Variants in PDE11A observed in about 807,000 individuals in gnomAD.
The protein encoded by PDE11A is phosphodiesterase 11A, also known as dual 3',5'-cyclic-AMP and -GMP phosphodiesterase 11A.
In PDE11A, 100 loss-of-function variants were observed where a neutral mutation model predicts 100.5. The observed-to-expected ratio is 1.00, with a 90% CI of 0.85 to 1.18. PDE11A has a LOEUF of 1.18. PDE11A is among the 50% of genes most tolerant of loss of function. The pLI is 0.00. For missense variants in PDE11A, 1,141 were observed against 1,152.6 expected (o/e 0.99, Z 0.15); for synonymous variants, 381 against 420.8 (o/e 0.91, Z 1.16).
At chr2:177,980,606 T>G (rs975749840) in intron 2 of PDE11A, among the ~76,000 whole-genome samples, 1 of 150,896 alleles carries the variant, frequency 6.6e-6, no homozygotes, top group Non-Finnish European at 1.5e-5. Flanking sequence ...TAGTTTTTTA[T>G]GAAGACATTG....
intron 10 of PDE11A, among the ~76,000 whole-genome samples, chr2:177,735,894 C>T (rs558112741): frequency 6.6e-6 from 1 of 152,334 alleles, no homozygotes; most frequent in Non-Finnish European, 1.5e-5. Flanking sequence ...ATGGCCAAAC[C>T]TCCCAGAACT....
intron 2 of PDE11A, among the ~76,000 whole-genome samples, chr2:177,983,830 T>G (rs575917231): frequency 2.0e-5 from 3 of 152,332 alleles, no homozygotes; most frequent in Admixed American, 6.5e-5. Context: ...TCAGCAAGTC[T>G]GTGTAATCTG....
chr2:177,946,997 G>A (rs1444565379), intron 2 of PDE11A, among the ~76,000 whole-genome samples: 7 of 121,600 alleles, frequency 5.8e-5, no homozygotes, highest in East Asian at 5.1e-4. Flanking sequence ...CAGCCGCCCC[G>A]TCCGGGAAGG....
rs536255024 is a variant in PDE11A at position 177,752,739 on chromosome 2, G to T, written c.1788+16584C>A. Among the ~76,000 whole-genome samples, 300 of 152,268 alleles carry T rather than the reference G, an allele frequency of 2.0e-3. 1 individual carries two copies. Among genetic ancestry groups the T allele is most frequent in the Middle Eastern group, 0.01 (3 of 294 alleles). ...GTCAGGCATTTTGTTAGTCACCGGA[G>T]ATAATAGCAATTTTCAAGTAGCTTA... On this transcript the variant is annotated intron_variant, in intron 10 of 19. Coordinates refer to ENST00000286063, the MANE Select transcript of PDE11A (RefSeq NM_016953.4).
intron 1 of PDE11A, among the ~76,000 whole-genome samples, chr2:178,061,699 T>C (rs1226705211): frequency 1.3e-5 from 2 of 152,252 alleles, no homozygotes; most frequent in African/African-American, 4.8e-5. Context: ...TATCTTTCTA[T>C]ATAATTTTCT....
chr2:178,068,593 G>A (rs572611739), intron 1 of PDE11A, among the ~76,000 whole-genome samples: 1 of 152,070 alleles, frequency 6.6e-6, no homozygotes, highest in Admixed American at 6.5e-5. Context: ...TAAAAATATA[G>A]TAGTTAACAA....
chr2:177,833,547 G>A (rs1380124122), intron 6 of PDE11A, among the ~76,000 whole-genome samples: 1 of 152,198 alleles, frequency 6.6e-6, no homozygotes, highest in African/African-American at 2.4e-5. Context: ...TCTGCCTTAA[G>A]AAAGCTGTGT....
intron 5 of PDE11A, among the ~76,000 whole-genome samples, chr2:177,872,827 A>G (rs982144053): frequency 2.6e-5 from 4 of 152,130 alleles, no homozygotes; most frequent in African/African-American, 9.7e-5. Context: ...TAAATTCTGG[A>G]GTCACTTGTC....
intron 19 of PDE11A, among the ~76,000 whole-genome samples, chr2:177,631,057 G>A (rs867347811): frequency 6.6e-6 from 1 of 151,952 alleles, no homozygotes; most frequent in African/African-American, 2.4e-5. Flanking sequence ...AGTAGGAAAT[G>A]GAGATAATTT....
rs188528595 is a variant in PDE11A at position 177,789,519 on chromosome 2, G to A, written c.1738-20146C>T. On this transcript the variant is annotated intron_variant, in intron 9 of 19. Transcript: ENST00000286063. ...TCTGTCACCACTCCTATTCAACATA[G>A]TGTTGGAAGTTCTGGCCAGGACAAT... 6.4e-3 allele frequency among the ~76,000 whole-genome samples: 968 copies of A among 151,682 alleles called. 14 individuals are homozygous for A. The highest frequency in any genetic ancestry group is 0.022 in the African/African-American group (910 of 41,332).
chr2:177,917,022 C>G (rs2084964972), intron 2 of PDE11A, among the ~76,000 whole-genome samples: 1 of 150,416 alleles, frequency 6.6e-6, no homozygotes, highest in Non-Finnish European at 1.5e-5. Flanking sequence ...GTGATCCACC[C>G]GCCTCAGCCT....
chr2:177,796,339 T>G (rs868563865), intron 9 of PDE11A, among the ~76,000 whole-genome samples: 22 of 152,068 alleles, frequency 1.4e-4, no homozygotes, highest in Non-Finnish European at 2.6e-4. Flanking sequence ...TCAGCCAAAC[T>G]AAATTCCAGG....
chr2:177,670,499 C>T lies in PDE11A; in HGVS notation c.2488-932G>A, dbSNP rs559404711. 1.5e-4 allele frequency among the ~76,000 whole-genome samples: 23 copies of T among 151,974 alleles called. No individual in the cohort carries two copies. In the South Asian group the frequency reaches 4.8e-3, roughly 32 times the overall value. On this transcript the variant is annotated intron_variant, in intron 17 of 19. Transcript: ENST00000286063. ...ACGCTACTACAGTGTGCATCTAGGACATTTCTGAGATGAACTAGCTGGATT... is the reference window on the plus strand; with the variant it reads ...ACGCTACTACAGTGTGCATCTAGGATATTTCTGAGATGAACTAGCTGGATT...
chr2:177,689,194 T>G (rs2081003924), intron 15 of PDE11A, among the ~76,000 whole-genome samples: 1 of 152,216 alleles, frequency 6.6e-6, no homozygotes. Flanking sequence ...GAGATTCTCC[T>G]GCCTCAGCCT....
At chr2:177,707,039 C>T (rs1316614091) in intron 13 of PDE11A, among the ~76,000 whole-genome samples, 1 of 152,030 alleles carries the variant, frequency 6.6e-6, no homozygotes. Context: ...GAAAGGCAGC[C>T]AATAAACTGG....
intron 2 of PDE11A, among the ~76,000 whole-genome samples, chr2:177,957,286 A>T (rs766926507): frequency 2.0e-5 from 3 of 152,200 alleles, no homozygotes; most frequent in Non-Finnish European, 4.4e-5. Flanking sequence ...AGAAGATGGC[A>T]AACTTAATTC....
intron 10 of PDE11A, among the ~76,000 whole-genome samples, chr2:177,737,986 A>T (rs1330894095): frequency 1.3e-5 from 2 of 152,212 alleles, no homozygotes; most frequent in African/African-American, 4.8e-5. Context: ...AAACCATGCC[A>T]CAATATCCCC....
At chr2:177,731,145 T>C (rs978662018) in intron 10 of PDE11A, among the ~76,000 whole-genome samples, 1 of 152,240 alleles carries the variant, frequency 6.6e-6, no homozygotes, top group African/African-American at 2.4e-5. Context: ...TAATATTCCA[T>C]TGTATGCATA....
chr2:177,771,540 A>C (rs1301185005), intron 9 of PDE11A, among the ~76,000 whole-genome samples: 1 of 152,174 alleles, frequency 6.6e-6, no homozygotes, highest in Non-Finnish European at 1.5e-5. Flanking sequence ...AGGTGGTATA[A>C]CATAATACTA....
Sources: allele counts gnomAD v4.1 joint callset (sites outside exome capture counted in the v4.1 genomes callset), GRCh38; gene constraint gnomAD v4.1.1; transcripts MANE v1.5; gene names NCBI Gene and HGNC (gene_info 2026-07-23, HGNC 2026-07-21).